The following PCDHA3 variants were observed in gnomAD, a reference collection of about 807,000 sequenced individuals.
PCDHA3 encodes protocadherin alpha-3.
PCDHA3 carries 41 observed loss-of-function variants against 62.2 expected under a neutral mutation model. The ratio of observed to expected loss-of-function variants is 0.66; its 90% CI spans 0.51 to 0.86. The LOEUF (loss-of-function observed/expected upper bound fraction) is 0.86. PCDHA3 is among the 40% of genes least tolerant of loss of function. The pLI is 0.00. For missense variants in PCDHA3, 1,304 were observed against 1,241.2 expected, an observed-to-expected ratio of 1.05 and a Z score of -0.76; for synonymous variants, 640 against 555.4, an observed-to-expected ratio of 1.15 and a Z score of -2.14.
At chr5:140,926,320 C>T (rs555057115) in intron 1 of PCDHA3, 1 of 152,240 alleles carries the variant, frequency 6.6e-6, no homozygotes, top group Non-Finnish European at 1.5e-5. Context: ...AGAGGTGCGC[C>T]GGGGTCAGAG....
In PCDHA3 at chr5:140,858,143, A is replaced by T. The variant is rs781919234; in HGVS notation, c.2394+54552A>T. 1.9e-6 allele frequency: 3 copies of T among 1,597,218 alleles called. No homozygotes were observed. The South Asian group carries it at 3.3e-5, about 18-fold the overall frequency. On this transcript the variant is annotated intron_variant, in intron 1 of 3. Transcript: ENST00000522353. The stretch of plus-strand genomic sequence containing the variant: ...CCTGGTGGATGTCAACGTGTACCTG[A>T]TCATCGCCATCTGCGCGGTGTCCAG...
intron 1 of PCDHA3, chr5:140,857,755 T>A: frequency 6.3e-7 from 1 of 1,597,184 alleles, no homozygotes; most frequent in Non-Finnish European, 8.6e-7. Flanking sequence ...CGTCTCCCGC[T>A]GGCAGCGCGG....
chr5:140,990,555 G>C (rs1176257375), intron 3 of PCDHA3, among the ~76,000 whole-genome samples: 1 of 152,130 alleles, frequency 6.6e-6, no homozygotes, highest in African/African-American at 2.4e-5. Context: ...TATTACCCAA[G>C]AACACACACC....
chr5:140,841,198 C>T (rs1554138026), intron 1 of PCDHA3: 1 of 1,281,234 alleles, frequency 7.8e-7, no homozygotes, highest in African/African-American at 1.5e-5. Flanking sequence ...TTTTCTCTGA[C>T]AGCATCTGTC....
At position 140,803,543 on chromosome 5, in the gene PCDHA3, C is replaced by G. The variant is rs782432564; in HGVS notation, c.2346C>G (p.Ser782Arg). ...FSPSLPPCPI[S>R]RDREEKQDVD... ...CTAGCCTTCCTCCTTGTCCAATTAG[C>G]CGGGATAGAGAGGAGAAACAGGATG... The change falls in exon 1 of 4, where the codon AGC (serine) becomes AGG (arginine). Residue 782 changes from serine (S) to arginine (R), a missense_variant. Transcript: ENST00000522353. The G allele has an allele frequency of 1.9e-6, 3 of 1,614,074 alleles. No individual in the cohort carries two copies. Among genetic ancestry groups the G allele is most frequent in the East Asian group, 2.2e-5 (1 of 44,890 alleles).
chr5:140,870,945 G>T, intron 1 of PCDHA3: 2 of 1,613,724 alleles, frequency 1.2e-6, no homozygotes, highest in Non-Finnish European at 1.7e-6. Flanking sequence ...AGCCGGCGGC[G>T]GGCGGCTCGC....
intron 1 of PCDHA3, chr5:140,842,263 C>CTTA (rs1777840904): frequency 6.2e-7 from 1 of 1,610,966 alleles, no homozygotes; most frequent in Non-Finnish European, 8.5e-7. Context: ...AACAAGAAAA[C>CTTA]TTATACAAAA....
In PCDHA3 at chr5:140,928,627, T is replaced by G. The variant is rs782634688; in HGVS notation, c.2395-50322T>G. The G allele has an allele frequency of 1.5e-5, 24 of 1,614,220 alleles. No homozygotes were observed. The highest frequency in any genetic ancestry group is 1.9e-5 in the Non-Finnish European group (23 of 1,180,026). On this transcript the variant is annotated intron_variant, in intron 1 of 3. Transcript: ENST00000522353. ...GCCCCGCTCTGCCAGGACTGGACAC[T>G]TGGTCACAAAAGTGGTAGCAGAGGA...
In PCDHA3 at chr5:141,010,171, A is replaced by G. The variant is rs2098416277; in HGVS notation, c.*234A>G. On this transcript the variant is annotated 3_prime_UTR_variant, in exon 4 of 4. Transcript: ENST00000522353. ...CCACTCTGGCTTGTTTTCAGAACCTAAAAAGCAGACCCAAGTTTCCTTTCT... is the reference window on the plus strand; with the variant it reads ...CCACTCTGGCTTGTTTTCAGAACCTGAAAAGCAGACCCAAGTTTCCTTTCT... The G allele has an allele frequency of 3.2e-6, 5 of 1,559,030 alleles. No individual in the cohort carries two copies. Among genetic ancestry groups the G allele is most frequent in the Non-Finnish European group, 4.3e-6 (5 of 1,150,704 alleles).
At chr5:140,835,882 G>A (rs1166974775) in intron 1 of PCDHA3, 4 of 1,611,972 alleles carry the variant, frequency 2.5e-6, no homozygotes, top group Non-Finnish European at 2.5e-6. Flanking sequence ...CTGCGGGTGG[G>A]CGAGCGCGCG....
chr5:140,861,571 A>C, intron 1 of PCDHA3: 1 of 372,012 alleles, frequency 2.7e-6, no homozygotes, highest in Non-Finnish European at 5.6e-6. Context: ...AAGCTGCTAC[A>C]GGTTTTCCAT....
At chr5:140,828,617 G>T (rs2150157424) in intron 1 of PCDHA3, 3 of 1,614,158 alleles carry the variant, frequency 1.9e-6, no homozygotes, top group South Asian at 1.1e-5. Flanking sequence ...CAGTTCTAGC[G>T]AATACTTCGG....
chr5:140,823,928 C>A (rs2150130436), intron 1 of PCDHA3: 1 of 1,613,972 alleles, frequency 6.2e-7, no homozygotes. Flanking sequence ...CTGCTGTACA[C>A]CGCGCTGCGG....
At position 141,011,699 on chromosome 5, in the gene PCDHA3, A is replaced by G. The variant is rs537913184; in HGVS notation, c.*1762A>G. 6.5e-6 allele frequency: 1 copy of G among 153,890 alleles called. No homozygotes were observed. Among genetic ancestry groups the G allele is most frequent in the African/African-American group, 2.4e-5 (1 of 41,578 alleles). 9.5% of individuals were successfully genotyped at this position (153,890 alleles called of 1,614,324 possible). A position where few individuals can be genotyped will look rare whatever the true frequency, so the allele number is the denominator to read the frequency against. ...TTGTTCTAGTAACAATTTTGGAATG[A>G]ATACTGACAATATTCCATGAGGGTG... On this transcript the variant is annotated 3_prime_UTR_variant, in exon 4 of 4. Coordinates refer to ENST00000522353, the MANE Select transcript of PCDHA3 (RefSeq NM_018906.3).
At chr5:140,874,625 T>C (rs1342932675) in intron 1 of PCDHA3, among the ~76,000 whole-genome samples, 3 of 152,238 alleles carry the variant, frequency 2.0e-5, no homozygotes, top group Admixed American at 6.5e-5. Flanking sequence ...ACATTTTACA[T>C]TAAAGTGCTT....
At chr5:140,871,202 T>C in intron 1 of PCDHA3, 1 of 1,613,730 alleles carries the variant, frequency 6.2e-7, no homozygotes, top group Non-Finnish European at 8.5e-7. Context: ...GTGTACCTGA[T>C]CATCGCCATC....
chr5:140,833,965 G>GA (rs2150212449), intron 1 of PCDHA3, among the ~76,000 whole-genome samples: 3 of 152,008 alleles, frequency 2.0e-5, no homozygotes, highest in Admixed American at 6.6e-5. Context: ...AAAACTGTGT[G>GA]AAAAAAAAGT....
rs1763195190 is a variant in PCDHA3, at chr5:140,803,419, G to A, written c.2222G>A (p.Cys741Tyr). 2 of 1,614,112 alleles carry A rather than the reference G, an allele frequency of 1.2e-6. No individual in the cohort carries two copies. Among genetic ancestry groups the A allele is most frequent in the Non-Finnish European group, 8.5e-7 (1 of 1,180,054 alleles). The change falls in exon 1 of 4, where the codon TGC (cysteine) becomes TAC (tyrosine). Residue 741 changes from cysteine to tyrosine, a missense_variant. By Grantham distance (194) the Cys-to-Tyr change is radical (BLOSUM62 -2). Coordinates refer to ENST00000522353, the MANE Select transcript of PCDHA3 (RefSeq NM_018906.3). ...GGGCCGGGCAAGCCCACGCTGGTGT[G>A]CTCCAGCGCGGTGGGGAGCTGGTCA... Reference protein sequence around the residue: ...DCGPGKPTLVCSSAVGSWSYS... With the variant: ...DCGPGKPTLVYSSAVGSWSYS...
intron 1 of PCDHA3, chr5:140,834,206 C>G: frequency 1.6e-6 from 1 of 620,932 alleles, no homozygotes; most frequent in African/African-American, 1.8e-5. Flanking sequence ...ACCGCAAATT[C>G]TTTCGTAATC....
Sources: gnomAD v4.1 joint callset for allele counts (sites outside exome capture counted in the v4.1 genomes callset) on GRCh38, gnomAD v4.1.1 for gene constraint, MANE v1.5 for transcripts, NCBI Gene and HGNC (gene_info 2026-07-23, HGNC 2026-07-21) for gene names.